Variants in RPS6KA5 observed in about 807,000 individuals in gnomAD.
RPS6KA5 encodes the protein ribosomal protein S6 kinase alpha-5.
A neutral mutation model predicts 85.5 loss-of-function variants in RPS6KA5; 27 were observed. The ratio of observed to expected loss-of-function variants is 0.32; its 90% CI spans 0.23 to 0.44. The LOEUF (loss-of-function observed/expected upper bound fraction) is 0.44, where lower values mean the gene tolerates loss of function less well. Among genes scored for constraint, RPS6KA5 ranks in the 20% least tolerant of loss-of-function variants. The probability of loss-of-function intolerance (pLI) is 1.00; values close to 1 mark genes in which losing one functional copy is unlikely to be tolerated. For synonymous variants in RPS6KA5, 334 were observed against 348.2 expected (o/e 0.96, Z 0.46); for missense variants, 811 against 980.9 (o/e 0.83, Z 2.31).
intron 10 of RPS6KA5, 75 bp downstream of exon 10, chr14:90,900,536 A>T: frequency 7.0e-7 from 1 of 1,436,112 alleles, no homozygotes; most frequent in Non-Finnish European, 9.4e-7. Flanking sequence ...TAGACTTAAG[A>T]ACATTAATTA....
chr14:90,956,264 T>C (rs952237211), intron 3 of RPS6KA5, among the ~76,000 whole-genome samples: 3 of 152,218 alleles, frequency 2.0e-5, no homozygotes, highest in Admixed American at 2.0e-4. Flanking sequence ...GATTGGCCTT[T>C]TTTTATCATT....
chr14:90,865,566 A>G lies in RPS6KA5; in HGVS notation c.*6508T>C, dbSNP rs1026422645. On this transcript the variant is annotated 3_prime_UTR_variant, in exon 17 of 17. Transcript: ENST00000614987. ...TATATGTAAACATTTATTGAGCTGT[A>G]TATTTCAGACCTGTGCACTTTACAC... 3.3e-5 allele frequency: 5 copies of G among 152,204 alleles called. No homozygotes were observed. 9.4% of individuals were successfully genotyped at this position (152,204 alleles called of 1,614,324 possible).
chr14:90,957,737 T>C (rs1218636899), intron 3 of RPS6KA5, among the ~76,000 whole-genome samples: 1 of 152,142 alleles, frequency 6.6e-6, no homozygotes, highest in East Asian at 1.9e-4. Context: ...TTCTTAGTTG[T>C]CCACATACGA....
At chr14:90,884,649 T>C (rs1180711704) in intron 14 of RPS6KA5, among the ~76,000 whole-genome samples, 1 of 152,200 alleles carries the variant, frequency 6.6e-6, no homozygotes, top group Non-Finnish European at 1.5e-5. Context: ...CTGCAGTTGG[T>C]GGTGAGACAG....
Position 90,867,764 on chromosome 14 carries a change from C to T in RPS6KA5, c.*4310G>A, listed in dbSNP as rs1297939976. The stretch of plus-strand genomic sequence containing the variant: ...GCACTAGGGTGAAGAAACCAAGACA[C>T]AAACATTTGGAAGCCACTTTAGTTT... On this transcript the variant is annotated 3_prime_UTR_variant, in exon 17 of 17. Transcript: ENST00000614987. 1.3e-5 allele frequency: 2 copies of T among 152,178 alleles called. No homozygotes were observed. Among genetic ancestry groups the T allele is most frequent in the African/African-American group, 4.8e-5 (2 of 41,448 alleles). 9.4% of individuals were successfully genotyped at this position (152,178 alleles called of 1,614,324 possible).
Position 90,869,425 on chromosome 14 carries a change from T to C in RPS6KA5, c.*2649A>G, listed in dbSNP as rs1188902035. The C allele has an allele frequency of 6.6e-6, 1 of 152,136 alleles. No individual in the cohort carries two copies. Among genetic ancestry groups the C allele is most frequent in the Non-Finnish European group, 1.5e-5 (1 of 68,014 alleles). The allele number at this position is 152,136 out of a possible 1,614,324, so 9.4% of individuals were successfully genotyped here. ...TCTTAACATCTTTCCTCTATTATCT[T>C]CCTTTTCTTATTCTTGCCTCTCAAT... On this transcript the variant is annotated 3_prime_UTR_variant, in exon 17 of 17. Coordinates refer to ENST00000614987, the MANE Select transcript of RPS6KA5 (RefSeq NM_004755.4).
intron 6 of RPS6KA5, 41 bp from the exon 7 acceptor site, chr14:90,920,350 T>C (rs752738250): frequency 1.5e-6 from 2 of 1,292,916 alleles, no homozygotes; most frequent in Non-Finnish European, 2.2e-6. Context: ...AATTATCAAC[T>C]AAAATATTTT....
chr14:91,051,138 C>T (rs2043061992), intron 1 of RPS6KA5, among the ~76,000 whole-genome samples: 1 of 151,948 alleles, frequency 6.6e-6, no homozygotes, highest in African/African-American at 2.4e-5. Context: ...ACTTGGGAGG[C>T]TGAGGTGGGA....
intron 1 of RPS6KA5, among the ~76,000 whole-genome samples, chr14:91,048,321 T>G (rs2139931056): frequency 6.6e-6 from 1 of 152,260 alleles, no homozygotes; most frequent in Non-Finnish European, 1.5e-5. Flanking sequence ...TATACAAAAA[T>G]ATTATTTACG....
intron 15 of RPS6KA5, among the ~76,000 whole-genome samples, chr14:90,874,697 C>A (rs2033334930): frequency 6.6e-6 from 1 of 152,076 alleles, no homozygotes; most frequent in Non-Finnish European, 1.5e-5. Context: ...AAGGATGCTG[C>A]AGGATTTGGG....
At chr14:90,881,603 C>A (rs1311750079) in intron 14 of RPS6KA5, among the ~76,000 whole-genome samples, 1 of 152,102 alleles carries the variant, frequency 6.6e-6, no homozygotes, top group Non-Finnish European at 1.5e-5. Flanking sequence ...TGGGTTCAAG[C>A]GATTCTCCTG....
At chr14:90,957,080 T>G (rs546785499) in intron 3 of RPS6KA5, among the ~76,000 whole-genome samples, 4 of 152,052 alleles carry the variant, frequency 2.6e-5, no homozygotes, top group Non-Finnish European at 5.9e-5. Context: ...GTTTTGTTTT[T>G]TTGAGACAGA....
At chr14:90,884,985 G>T (rs142969510) in intron 14 of RPS6KA5, among the ~76,000 whole-genome samples, 1 of 152,088 alleles carries the variant, frequency 6.6e-6, no homozygotes, top group Non-Finnish European at 1.5e-5. Flanking sequence ...GGGAACAGGG[G>T]CTCACACCTG....
intron 1 of RPS6KA5, among the ~76,000 whole-genome samples, chr14:91,041,420 ATTATTT>A (rs922005570): frequency 2.0e-5 from 3 of 152,186 alleles, no homozygotes; most frequent in African/African-American, 7.2e-5. Flanking sequence ...GCTATTTGAG[ATTATTT>A]TTTTCTTTTT....
chr14:90,885,552 C>CAAATAAAAAA (rs2034142563), intron 14 of RPS6KA5, among the ~76,000 whole-genome samples: 1 of 19,884 alleles, frequency 5.0e-5, no homozygotes, highest in Admixed American at 6.9e-4. Context: ...GACTCCGTCT[C>CAAATAAAAAA]AAAAAAAAAA....
intron 2 of RPS6KA5, among the ~76,000 whole-genome samples, chr14:90,991,066 C>T (rs1348441614): frequency 6.6e-6 from 1 of 151,994 alleles, no homozygotes; most frequent in East Asian, 1.9e-4. Context: ...GGCAGAATAT[C>T]AGGGTAAGCT....
At chr14:90,967,163 A>G (rs1004794644) in intron 3 of RPS6KA5, among the ~76,000 whole-genome samples, 1 of 152,228 alleles carries the variant, frequency 6.6e-6, no homozygotes, top group Non-Finnish European at 1.5e-5. Flanking sequence ...ATACAATGGA[A>G]TACCTTATAT....
At chr14:90,885,470 G>A (rs1213758300) in intron 14 of RPS6KA5, among the ~76,000 whole-genome samples, 34 of 138,432 alleles carry the variant, frequency 2.5e-4, no homozygotes, top group African/African-American at 4.1e-4. Flanking sequence ...GGAGAATGGC[G>A]TGAACCCGGG....
In RPS6KA5 at chr14:90,894,594, G is replaced by A; in HGVS notation, c.1474-11C>T. 1 of 1,612,502 alleles carries A rather than the reference G, an allele frequency of 6.2e-7. No homozygotes were observed. ...TAGAAACGTGTGAAGCTAGAAAAGA[G>A]AAAGAATAACGTGGAGGGCCTTCCT... On this transcript the variant is annotated splice_polypyrimidine_tract_variant and intron_variant, in intron 12 of 16. Coordinates refer to ENST00000614987, the MANE Select transcript of RPS6KA5 (RefSeq NM_004755.4).
Sources: allele counts gnomAD v4.1 joint callset (sites outside exome capture counted in the v4.1 genomes callset), GRCh38; gene constraint gnomAD v4.1.1; transcripts MANE v1.5; gene names NCBI Gene and HGNC (gene_info 2026-07-23, HGNC 2026-07-21).